Variants in NBDY observed in about 807,000 individuals in gnomAD.
NBDY encodes the protein P-body dissociating protein.
At chrX:56,739,196 A>C (rs2069514286) in intron 2 of NBDY, among the ~76,000 whole-genome samples, 1 of 96,249 alleles carries the variant, frequency 1.0e-5, no homozygotes, top group African/African-American at 3.8e-5. Flanking sequence ...TGTGAAGCCT[A>C]AAGTGCCCCA....
chrX:56,756,962 G>T (rs999569180), intron 2 of NBDY, among the ~76,000 whole-genome samples: 2 of 110,967 alleles, frequency 1.8e-5, no homozygotes, highest in African/African-American at 6.6e-5. Context: ...CTGAAAAAAA[G>T]AAAAGAAAAG....
At chrX:56,795,206 A>T (rs2069785962) in intron 2 of NBDY, among the ~76,000 whole-genome samples, 1 of 111,556 alleles carries the variant, frequency 9.0e-6, no homozygotes, top group African/African-American at 3.3e-5. Flanking sequence ...TTTTATGTGG[A>T]GTGTTTTAAT....
chrX:56,794,692 C>T lies in NBDY; in HGVS notation c.*167-22628C>T, dbSNP rs1471267924. Among the ~76,000 whole-genome samples the T allele has an allele frequency of 5.3e-4, 59 of 111,577 alleles. No individual in the cohort carries two copies. The Admixed American group carries it at 5.6e-3, about 11-fold the overall frequency. ...AGGGGTGTGTGGGTGAGTGGGCCTG[C>T]GTGTGGGCCCCTGCCGATTCCTCTA... is the stretch of plus-strand genomic sequence containing the variant. On this transcript the variant is annotated intron_variant, in intron 2 of 2. Transcript: ENST00000374922.
At chrX:56,737,804 T>G (rs900186845) in intron 2 of NBDY, among the ~76,000 whole-genome samples, 1 of 111,968 alleles carries the variant, frequency 8.9e-6, no homozygotes, top group Non-Finnish European at 1.9e-5. Flanking sequence ...ACCAGGAATA[T>G]TACAAAGAAC....
chrX:56,754,919 A>C, intron 2 of NBDY, among the ~76,000 whole-genome samples: 1 of 112,181 alleles, frequency 8.9e-6, no homozygotes, highest in Non-Finnish European at 1.9e-5. Context: ...TGAAAATATC[A>C]ACAAAATTGA....
At chrX:56,807,601 A>G (rs1427691147) in intron 2 of NBDY, among the ~76,000 whole-genome samples, 1 of 111,364 alleles carries the variant, frequency 9.0e-6, no homozygotes, top group African/African-American at 3.3e-5. Context: ...TTCACTCATG[A>G]TTTGGCTCTG....
chrX:56,807,895 G>A (rs1194250216), intron 2 of NBDY, among the ~76,000 whole-genome samples: 2 of 112,130 alleles, frequency 1.8e-5, no homozygotes, highest in Non-Finnish European at 3.8e-5. Flanking sequence ...TCTTGTGCCA[G>A]TTTTCAAAGG....
chrX:56,790,145 C>A (rs1379618253), intron 2 of NBDY, among the ~76,000 whole-genome samples: 2 of 112,543 alleles, frequency 1.8e-5, no homozygotes, highest in Admixed American at 1.9e-4. Context: ...TCATACAGAG[C>A]CCATTTTGGG....
At chrX:56,797,447 C>T (rs766379004) in intron 2 of NBDY, among the ~76,000 whole-genome samples, 112 of 109,553 alleles carry the variant, frequency 1.0e-3, no homozygotes, top group African/African-American at 3.5e-3. Context: ...CTCTAGGCCT[C>T]AAGAAATGCT....
intron 2 of NBDY, among the ~76,000 whole-genome samples, chrX:56,798,050 G>A (rs746565838): frequency 8.9e-6 from 1 of 111,877 alleles, no homozygotes; most frequent in East Asian, 2.8e-4. Flanking sequence ...AACACACAAA[G>A]CCACAGGCAT....
intron 2 of NBDY, among the ~76,000 whole-genome samples, chrX:56,784,562 T>C (rs1169823838): frequency 8.9e-6 from 1 of 111,940 alleles, no homozygotes; most frequent in Admixed American, 9.4e-5. Context: ...TCTGCATAAG[T>C]GCATGGGTAG....
intron 2 of NBDY, among the ~76,000 whole-genome samples, chrX:56,750,832 A>G (rs2146718374): frequency 9.0e-6 from 1 of 111,315 alleles, no homozygotes; most frequent in East Asian, 2.8e-4. Flanking sequence ...TGGACCCTCA[A>G]CATTTTTCTC....
intron 2 of NBDY, among the ~76,000 whole-genome samples, chrX:56,793,228 GCGC>G (rs2069773706): frequency 8.9e-6 from 1 of 112,544 alleles, no homozygotes; most frequent in African/African-American, 3.2e-5. Flanking sequence ...TGAGTGGCCA[GCGC>G]CTTGTCCTGG....
chrX:56,740,658 A>C (rs2069527504), intron 2 of NBDY, among the ~76,000 whole-genome samples: 1 of 111,394 alleles, frequency 9.0e-6, no homozygotes, highest in Non-Finnish European at 1.9e-5. Flanking sequence ...ATAGATACAT[A>C]TTTTACAATT....
chrX:56,793,961 G>A (rs73626222), intron 2 of NBDY, among the ~76,000 whole-genome samples: 4,612 of 111,873 alleles, frequency 0.041, 230 homozygotes, highest in African/African-American at 0.14. Flanking sequence ...GGGCACCTCG[G>A]AGCTGCCCAC....
chrX:56,767,364 C>A (rs909434025), intron 2 of NBDY, among the ~76,000 whole-genome samples: 2 of 113,282 alleles, frequency 1.8e-5, no homozygotes, highest in African/African-American at 3.2e-5. Flanking sequence ...TCTCGGCGCC[C>A]CCTCGGCATT....
chrX:56,760,056 G>A (rs1468500303), intron 2 of NBDY, among the ~76,000 whole-genome samples: 1 of 112,591 alleles, frequency 8.9e-6, no homozygotes, highest in Non-Finnish European at 1.9e-5. Context: ...TGCCCACTGG[G>A]TAGACTGGTC....
chrX:56,738,159 C>G (rs991295838), intron 2 of NBDY, among the ~76,000 whole-genome samples: 2 of 112,142 alleles, frequency 1.8e-5, no homozygotes, highest in South Asian at 3.6e-4. Flanking sequence ...CTTGTCATGT[C>G]TCTTCAGTTT....
intron 2 of NBDY, among the ~76,000 whole-genome samples, chrX:56,766,979 G>A (rs1468383416): frequency 1.8e-5 from 2 of 112,705 alleles, no homozygotes; most frequent in Non-Finnish European, 3.8e-5. Flanking sequence ...TGCCTGTTGA[G>A]CTGTCTATCC....
Sources: allele counts gnomAD v4.1 joint callset (sites outside exome capture counted in the v4.1 genomes callset), GRCh38; gene constraint gnomAD v4.1.1; transcripts MANE v1.5; gene names NCBI Gene and HGNC (gene_info 2026-07-23, HGNC 2026-07-21).